The following ZNF883 variants were observed in gnomAD, a reference collection of about 807,000 sequenced individuals.
ZNF883 encodes the protein zinc finger protein 883.
chr9:112,991,075 T>C (rs1485346905), intron 1 of ZNF883, among the ~76,000 whole-genome samples: 1 of 152,194 alleles, frequency 6.6e-6, no homozygotes, highest in African/African-American at 2.4e-5. Context: ...ATTGATTTTT[T>C]TGAAGGGTTA....
At chr9:112,996,864 C>A (rs1161145014), downstream of ZNF883, among the ~76,000 whole-genome samples, 5 of 135,726 alleles carry the variant, frequency 3.7e-5, no homozygotes, top group Admixed American at 7.8e-5. Flanking sequence ...AATAAATTAT[C>A]TCTGAAAGTA....
At chr9:113,007,242 G>A (rs1030607987) in intron 2 of ZNF883, among the ~76,000 whole-genome samples, 5 of 152,244 alleles carry the variant, frequency 3.3e-5, no homozygotes, top group African/African-American at 1.2e-4. Flanking sequence ...TGACGGGGTA[G>A]ATGTTTTAAT....
At chr9:113,008,952 A>G (rs1344369904) in intron 2 of ZNF883, among the ~76,000 whole-genome samples, 1 of 152,008 alleles carries the variant, frequency 6.6e-6, no homozygotes, top group Non-Finnish European at 1.5e-5. Context: ...GGAGATGGGG[A>G]GAGGAATTGG....
intron 2 of ZNF883, among the ~76,000 whole-genome samples, chr9:113,007,374 TG>T (rs1034336166): frequency 1.3e-4 from 20 of 152,374 alleles, no homozygotes; most frequent in African/African-American, 4.6e-4. Context: ...TGAGGTTTCT[TG>T]GTCACAGTAG....
intron 1 of ZNF883, among the ~76,000 whole-genome samples, chr9:113,011,930 T>G (rs527518629): frequency 9.2e-5 from 14 of 151,984 alleles, no homozygotes; most frequent in Non-Finnish European, 1.8e-4. Flanking sequence ...CGGCTTTGCC[T>G]CCTCCTCACC....
chr9:112,992,223 T>C (rs939257279), downstream of ZNF883, among the ~76,000 whole-genome samples: 3 of 152,338 alleles, frequency 2.0e-5, no homozygotes, highest in Non-Finnish European at 4.4e-5. Context: ...CTGGAAATAA[T>C]TTTTCCTTTC....
upstream of ZNF883, chr9:112,998,436 C>A (rs1222012822): frequency 4.3e-6 from 2 of 470,202 alleles, no homozygotes; most frequent in East Asian, 7.0e-5. Context: ...TCCACTACAG[C>A]AGAATTATGC....
chr9:113,010,629 G>A (rs999768929), intron 2 of ZNF883, among the ~76,000 whole-genome samples: 7 of 152,168 alleles, frequency 4.6e-5, no homozygotes, highest in South Asian at 2.1e-4. Flanking sequence ...ATTCTACTAC[G>A]TATACATATT....
intron 2 of ZNF883, among the ~76,000 whole-genome samples, chr9:113,009,361 C>T (rs986060853): frequency 2.0e-5 from 3 of 152,170 alleles, no homozygotes; most frequent in African/African-American, 7.2e-5. Flanking sequence ...GCTGCTATCA[C>T]TCACCCCTCT....
chr9:112,996,935 T>C (rs1271302715), downstream of ZNF883, among the ~76,000 whole-genome samples: 1 of 152,126 alleles, frequency 6.6e-6, no homozygotes, highest in Non-Finnish European at 1.5e-5. Context: ...CATTATAACT[T>C]TCTCTTTCAA....
downstream of ZNF883, among the ~76,000 whole-genome samples, chr9:112,993,625 C>T (rs917410162): frequency 1.3e-5 from 2 of 152,200 alleles, no homozygotes; most frequent in South Asian, 2.1e-4. Context: ...CCAGACTGCC[C>T]GGATTCCTCA....
chr9:112,995,382 G>A (rs527888668), downstream of ZNF883, among the ~76,000 whole-genome samples: 9 of 152,178 alleles, frequency 5.9e-5, no homozygotes, highest in South Asian at 1.7e-3. Flanking sequence ...CCAGCTTGCT[G>A]ACTGCAGATC....
intron 2 of ZNF883, among the ~76,000 whole-genome samples, chr9:113,006,727 CCTAT>C (rs1225311178): frequency 6.6e-6 from 1 of 152,138 alleles, no homozygotes; most frequent in Non-Finnish European, 1.5e-5. Flanking sequence ...GATTTGGGTA[CCTAT>C]CTAATACCCA....
At chr9:112,997,996 T>G in exon 1 of ZNF883, 1 of 1,613,716 alleles carries the variant, frequency 6.2e-7, no homozygotes, top group Non-Finnish European at 8.5e-7. Context: ...TATGGACTCT[T>G]TGATGCTGAA....
upstream of ZNF883, chr9:112,998,963 C>T (rs1341327515): frequency 6.6e-6 from 1 of 152,132 alleles, no homozygotes; most frequent in African/African-American, 2.4e-5. Flanking sequence ...GTTTCTCAAA[C>T]TGGTCATCAA....
intron 1 of ZNF883, among the ~76,000 whole-genome samples, chr9:112,990,616 T>A (rs4979202): frequency 6.6e-6 from 1 of 151,968 alleles, no homozygotes; most frequent in African/African-American, 2.4e-5. Context: ...ATCAGGATGA[T>A]GCTGGCCTCA....
chr9:112,991,485 AAG>A (rs35786959), intron 1 of ZNF883, among the ~76,000 whole-genome samples: 44,837 of 151,680 alleles, frequency 0.3, 7,527 homozygotes, highest in African/African-American at 0.45. Flanking sequence ...GCATTTACTG[AAG>A]AGTGTTTTAC....
upstream of ZNF883, among the ~76,000 whole-genome samples, chr9:113,000,568 TA>T (rs1256425119): frequency 1.3e-5 from 2 of 151,636 alleles, no homozygotes; most frequent in African/African-American, 4.8e-5. Context: ...AGATAAGACA[TA>T]AAAAAGAAGA....
rs899535420 is a variant in ZNF883 at position 112,990,747 on chromosome 9, C to CT, written n.310-7169dup. On this transcript the variant is annotated intron_variant and non_coding_transcript_variant, in intron 1 of 9. Transcript: ENST00000638823. ...AGCTGTAAATCCATCTGGTCCTGGGCTTTTTTTTTGTTGTTGTTGGTAGCT... is the reference window on the plus strand; with the variant it reads ...AGCTGTAAATCCATCTGGTCCTGGGCTTTTTTTTTTGTTGTTGTTGGTAGCT... Among the ~76,000 whole-genome samples, 50 of 151,804 alleles carry CT rather than the reference C, an allele frequency of 3.3e-4. 1 individual carries two copies. Among genetic ancestry groups the CT allele is most frequent in the Admixed American group, 5.9e-4 (9 of 15,250 alleles).
Sources: allele counts gnomAD v4.1 joint callset (sites outside exome capture counted in the v4.1 genomes callset), GRCh38; gene constraint gnomAD v4.1.1; transcripts MANE v1.5; gene names NCBI Gene and HGNC (gene_info 2026-07-23, HGNC 2026-07-21).